Variants in UAP1 observed in about 807,000 individuals in gnomAD.
The protein encoded by UAP1 is UDP-N-acetylglucosamine pyrophosphorylase 1, also known as UDP-N-acetylhexosamine pyrophosphorylase.
A neutral mutation model predicts 58.5 loss-of-function variants in UAP1; 25 were observed. The ratio of observed to expected loss-of-function variants is 0.43; its 90% CI spans 0.31 to 0.60. The LOEUF (loss-of-function observed/expected upper bound fraction) is 0.60. Ranked by LOEUF, UAP1 falls within the 20% of genes least tolerant of loss-of-function variation. The pLI is 0.11. For synonymous variants in UAP1, 208 were observed against 213.0 expected, an observed-to-expected ratio of 0.98 and a Z score of 0.21; for missense variants, 575 against 630.0, an observed-to-expected ratio of 0.91 and a Z score of 0.93.
chr1:162,599,572 G>T (rs1655817086), exon 11 of UAP1: 3 of 375,986 alleles, frequency 8.0e-6, no homozygotes, highest in Admixed American at 4.4e-5. Context: ...ACTCATTGAA[G>T]GTCTTATTTA....
intron 4 of UAP1, 125 bp from the exon 5 acceptor site, chr1:162,581,162 A>T: frequency 9.7e-7 from 1 of 1,025,644 alleles, no homozygotes; most frequent in Non-Finnish European, 1.4e-6. Flanking sequence ...ATGGATATTC[A>T]GTTTTCTTGC....
At chr1:162,598,229 A>G (rs765086048) in intron 10 of UAP1, among the ~76,000 whole-genome samples, 1 of 142,960 alleles carries the variant, frequency 7.0e-6, no homozygotes, top group Non-Finnish European at 1.6e-5. Flanking sequence ...ACAAAAAAAG[A>G]AATAAAACTT....
In UAP1 at chr1:162,587,473, A is replaced by G. The variant is rs1654964673; in HGVS notation, c.835-2A>G. On this transcript the variant is annotated splice_acceptor_variant, in intron 5 of 10. Coordinates refer to ENST00000271469, the Ensembl canonical transcript of UAP1. LOFTEE classifies it high-confidence loss of function. ...CCTCTACTGTTTTTCTCTGGTGGAC[A>G]GGTGGTAGAGAAAACGAACCCTACA... 1 of 1,598,170 alleles carries G rather than the reference A, an allele frequency of 6.3e-7. No homozygotes were observed. Among genetic ancestry groups the G allele is most frequent in the Non-Finnish European group, 8.6e-7 (1 of 1,169,244 alleles).
chr1:162,596,138 C>G (rs921340039), intron 9 of UAP1, among the ~76,000 whole-genome samples: 2 of 151,900 alleles, frequency 1.3e-5, no homozygotes, highest in African/African-American at 4.8e-5. Flanking sequence ...TAGGCATGAG[C>G]CACCACACCC....
chr1:162,578,828 AC>A (rs1654373397), intron 3 of UAP1, among the ~76,000 whole-genome samples: 1 of 152,212 alleles, frequency 6.6e-6, no homozygotes, highest in African/African-American at 2.4e-5. Context: ...AGTAACCCAA[AC>A]AGGCAAAAAT....
chr1:162,594,849 GT>G (rs1655525847), intron 9 of UAP1, among the ~76,000 whole-genome samples: 1 of 152,166 alleles, frequency 6.6e-6, no homozygotes, highest in South Asian at 2.1e-4. Context: ...TGAAATCAAA[GT>G]TTGGCTTTAA....
Position 162,588,859 on chromosome 1 carries a change from G to A in UAP1, c.1169+26G>A, listed in dbSNP as rs1655078371. On this transcript the variant is annotated intron_variant, in intron 7 of 10. Transcript: ENST00000271469. ...GTATGCTTTGAATAGTACCAATAAGGTTAAATAAATGTCTTAAAATGCTGC... is the reference window on the plus strand; with the variant it reads ...GTATGCTTTGAATAGTACCAATAAGATTAAATAAATGTCTTAAAATGCTGC... 2.5e-6 allele frequency: 4 copies of A among 1,578,178 alleles called. No individual in the cohort carries two copies. The East Asian group carries it at 9.1e-5, about 36-fold the overall frequency.
intron 1 of UAP1, among the ~76,000 whole-genome samples, chr1:162,564,970 G>T (rs1435759567): frequency 6.6e-6 from 1 of 152,110 alleles, no homozygotes; most frequent in Non-Finnish European, 1.5e-5. Flanking sequence ...CCGAATTCAG[G>T]TGTTCCTCCC....
chr1:162,571,282 C>T (rs746507597), intron 2 of UAP1, among the ~76,000 whole-genome samples: 1 of 152,074 alleles, frequency 6.6e-6, no homozygotes, highest in East Asian at 1.9e-4. Context: ...GCGCCTGCCA[C>T]CACACCCAGC....
At chr1:162,579,076 C>T (rs1654387426) in intron 3 of UAP1, among the ~76,000 whole-genome samples, 1 of 152,154 alleles carries the variant, frequency 6.6e-6, no homozygotes, top group African/African-American at 2.4e-5. Flanking sequence ...ATTGCAGTTA[C>T]CCTTTTCTTC....
chr1:162,595,930 C>T (rs1655593617), intron 9 of UAP1, among the ~76,000 whole-genome samples: 1 of 152,150 alleles, frequency 6.6e-6, no homozygotes, highest in Non-Finnish European at 1.5e-5. Flanking sequence ...CAGCTCATTG[C>T]AACCTTCACC....
exon 6 of UAP1, chr1:162,587,594 C>T (rs140592976): frequency 2.8e-5 from 45 of 1,613,966 alleles, no homozygotes; most frequent in Admixed American, 5.0e-5. Flanking sequence ...GAAGCTCAGA[C>T]GGACGACTGC....
At chr1:162,577,045 A>G (rs1361922966) in intron 3 of UAP1, 64 bp downstream of exon 3, 11 of 1,479,152 alleles carry the variant, frequency 7.4e-6, no homozygotes, top group Non-Finnish European at 9.3e-6. Context: ...TTCAAAATGC[A>G]TATATACTTT....
intron 3 of UAP1, among the ~76,000 whole-genome samples, chr1:162,577,861 C>T (rs1654303107): frequency 6.6e-6 from 1 of 151,988 alleles, no homozygotes; most frequent in African/African-American, 2.4e-5. Context: ...CTGCCCGTCT[C>T]AGCATCTCAA....
Position 162,589,209 on chromosome 1 carries a change from A to ATAT in UAP1, c.1169+377_1169+379dup, listed in dbSNP as rs1553232331. Among the ~76,000 whole-genome samples, 14 of 111,902 alleles carry ATAT rather than the reference A, an allele frequency of 1.3e-4. No individual in the cohort carries two copies. In the East Asian group the frequency reaches 1.3e-3, roughly 10 times the overall value. 73.4% of individuals were successfully genotyped at this position (111,902 alleles called of 152,430 possible). A position where few individuals can be genotyped will look rare whatever the true frequency, so the allele number is the denominator to read the frequency against. On this transcript the variant is annotated intron_variant, in intron 7 of 10. Coordinates refer to ENST00000271469, the Ensembl canonical transcript of UAP1. ...AATATATATTATATATTATATTTAA[A>ATAT]TATATATAATATTTATATATTATAT...
At chr1:162,579,647 A>G in intron 4 of UAP1, 44 bp downstream of exon 4, 2 of 1,380,582 alleles carry the variant, frequency 1.4e-6, no homozygotes, top group Non-Finnish European at 1.9e-6. Context: ...AAGGATAACA[A>G]CATAAATCAT....
intron 2 of UAP1, among the ~76,000 whole-genome samples, chr1:162,570,030 TC>T (rs1478525058): frequency 6.6e-6 from 1 of 151,802 alleles, no homozygotes; most frequent in Non-Finnish European, 1.5e-5. Context: ...GTGCTTGTAG[TC>T]CCAGCTACTC....
chr1:162,568,020 A>G (rs1025105046), intron 2 of UAP1, among the ~76,000 whole-genome samples: 1 of 151,780 alleles, frequency 6.6e-6, no homozygotes, highest in African/African-American at 2.4e-5. Context: ...CTGGTCTCGA[A>G]CTCCTGACCT....
At chr1:162,599,761 GTTTTA>G (rs1655827816) in exon 11 of UAP1, 1 of 154,166 alleles carries the variant, frequency 6.5e-6, no homozygotes, top group African/African-American at 2.4e-5. Context: ...CTAAAAGTTT[GTTTTA>G]TTTTATCAAA....
Sources: allele counts gnomAD v4.1 joint callset (sites outside exome capture counted in the v4.1 genomes callset), GRCh38; gene constraint gnomAD v4.1.1; transcripts MANE v1.5; gene names NCBI Gene and HGNC (gene_info 2026-07-23, HGNC 2026-07-21).